The following MRC2 variants were observed in gnomAD, a reference collection of about 807,000 sequenced individuals.
MRC2 encodes C-type mannose receptor 2.
A neutral mutation model predicts 206.2 loss-of-function variants in MRC2; 84 were observed. That is an observed-to-expected ratio of 0.41 (90% confidence interval 0.34 to 0.49). MRC2 has a LOEUF of 0.49. MRC2 is among the 20% of genes least tolerant of loss of function. The pLI, the probability that MRC2 is intolerant of heterozygous loss-of-function variation, is 0.31. For missense variants in MRC2, 1,676 were observed against 2,001.5 expected, an observed-to-expected ratio of 0.84 and a Z score of 3.10; for synonymous variants, 798 against 800.0, an observed-to-expected ratio of 1.00 and a Z score of 0.04.
Position 62,692,626 on chromosome 17 carries a change from A to C in MRC2, c.*175A>C. 1 of 657,352 alleles carries C rather than the reference A, an allele frequency of 1.5e-6. No individual in the cohort carries two copies. 40.7% of individuals were successfully genotyped at this position (657,352 alleles called of 1,614,324 possible). On this transcript the variant is annotated 3_prime_UTR_variant, in exon 30 of 30. Coordinates refer to ENST00000303375, the MANE Select transcript of MRC2 (RefSeq NM_006039.5). This position sits in a 1 kb window ranked among gnomAD's most constrained non-coding sequence, Gnocchi z 4.2. ...GGCTGGTGGGGTGCCACCCTCCCAC[A>C]AGGGCTGGGCTGAGACCCAGCTGAG...
At chr17:62,661,381 C>T (rs2088677449) in intron 1 of MRC2, among the ~76,000 whole-genome samples, 1 of 152,132 alleles carries the variant, frequency 6.6e-6, no homozygotes, top group South Asian at 2.1e-4. Flanking sequence ...GCATTTTCTT[C>T]TTTTGCTGTC....
chr17:62,664,306 G>A lies in MRC2; in HGVS notation c.119-242G>A, dbSNP rs1402795751. Among the ~76,000 whole-genome samples, 4 of 151,952 alleles carry A rather than the reference G, an allele frequency of 2.6e-5. No individual in the cohort carries two copies. The highest frequency in any genetic ancestry group is 2.6e-4 in the Admixed American group (4 of 15,270). On this transcript the variant is annotated intron_variant, in intron 1 of 29. Transcript: ENST00000303375. The surrounding 1 kb of genome is among the most constrained non-coding windows in gnomAD (Gnocchi z 4.7). ...ACAGAGGACTGAGTCCTCCCTCCTG[G>A]TGAGCAGGGGCTAGAACAGAGGTAG...
In MRC2 at chr17:62,671,070, G is replaced by A. The variant is rs117460053; in HGVS notation, c.1118-579G>A. On this transcript the variant is annotated intron_variant, in intron 6 of 29. Coordinates refer to ENST00000303375, the MANE Select transcript of MRC2 (RefSeq NM_006039.5). This position sits in a 1 kb window ranked among gnomAD's most constrained non-coding sequence, Gnocchi z 4.5. ...CCTTTCTACCCATCGTTTATTGACT[G>A]ATTGATTGATGCATTGATTGAGATA... 6.7e-3 allele frequency among the ~76,000 whole-genome samples: 1,023 copies of A among 152,242 alleles called. 6 individuals carry two copies. The highest frequency in any genetic ancestry group is 0.011 in the Non-Finnish European group (764 of 68,004).
chr17:62,689,424 C>T (rs2089073909), intron 23 of MRC2, 98 bp from the exon 24 acceptor site: 1 of 786,678 alleles, frequency 1.3e-6, no homozygotes, highest in South Asian at 1.8e-5. Flanking sequence ...TGGTGGAGAC[C>T]GGGTCTTTGC....
intron 11 of MRC2, among the ~76,000 whole-genome samples, chr17:62,677,053 A>C (rs538088978): frequency 6.6e-6 from 1 of 152,368 alleles, no homozygotes; most frequent in African/African-American, 2.4e-5. Flanking sequence ...GAGGTTAAGC[A>C]GCTTGCCTGA....
At position 62,681,094 on chromosome 17, in the gene MRC2, C is replaced by A. The variant is rs141279049; in HGVS notation, c.2667C>A (p.Ile889=). 54 of 1,613,456 alleles carry A rather than the reference C, an allele frequency of 3.3e-5. No homozygotes were observed. Among genetic ancestry groups the A allele is most frequent in the Non-Finnish European group, 4.5e-5 (53 of 1,180,006 alleles). The change falls in exon 18 of 30, where the codon ATC becomes ATA. Residue 889 remains isoleucine, a synonymous_variant. Coordinates refer to ENST00000303375, the MANE Select transcript of MRC2 (RefSeq NM_006039.5). ...FSRAQEQHWW[I]GLHTSESDGR... is the part of the protein sequence containing the mutation. ...GGGCCCAGGAGCAGCACTGGTGGAT[C>A]GGCCTGCACACCTCTGAGAGCGATG...
At position 62,688,323 on chromosome 17, in the gene MRC2, G is replaced by A. The variant is rs143813537; in HGVS notation, c.2981G>A (p.Arg994Gln). The A allele has an allele frequency of 2.8e-4, 457 of 1,614,156 alleles. 2 individuals carry two copies. The African/African-American group carries it at 4.9e-3, about 17-fold the overall frequency. ...GTCCAGGGCCAGGAACCCCAGAGCCGGGTGAAGTGGTCAGAGGCACAGTTC... is the reference window on the plus strand; with the variant it reads ...GTCCAGGGCCAGGAACCCCAGAGCCAGGTGAAGTGGTCAGAGGCACAGTTC... ...FQVQGQEPQS[R>Q]VKWSEAQFSC... The change falls in exon 21 of 30, where the codon CGG becomes CAG. Residue 994 changes from arginine to glutamine, a missense_variant. Coordinates refer to ENST00000303375, the MANE Select transcript of MRC2 (RefSeq NM_006039.5).
At chr17:62,688,171 T>C in intron 20 of MRC2, 118 bp from the exon 21 acceptor site, 1 of 787,450 alleles carries the variant, frequency 1.3e-6, no homozygotes. Context: ...CAGATACTGT[T>C]CTCTCCCGGC....
chr17:62,654,148 C>G (rs920980727), intron 1 of MRC2, among the ~76,000 whole-genome samples: 1 of 151,822 alleles, frequency 6.6e-6, no homozygotes, highest in African/African-American at 2.4e-5. Context: ...TCTGCGTGGC[C>G]TGGGGAGGGG....
In MRC2 at chr17:62,690,951, G is replaced by A. The variant is rs1471829284; in HGVS notation, c.4015G>A (p.Gly1339Ser). The change falls in exon 28 of 30, where the codon GGC (glycine) becomes AGC (serine). Residue 1339 changes from glycine (G) to serine (S), a missense_variant and splice_region_variant. By Grantham distance (56) the Gly-to-Ser change is moderately conservative. Transcript: ENST00000303375. ...CCTCAGTGCCTTCTTTCCTGCAGGA[G>A]GCACTCTGGTCTGGCAGGACAACAC... is the stretch of plus-strand genomic sequence containing the variant. ...WLGMNFNPKG[G>S]TLVWQDNTAV... 6.3e-6 allele frequency: 10 copies of A among 1,598,282 alleles called. No individual in the cohort carries two copies. The highest frequency in any genetic ancestry group is 7.7e-6 in the Non-Finnish European group (9 of 1,173,430).
intron 9 of MRC2, 66 bp downstream of exon 9, chr17:62,674,236 A>AC: frequency 1.6e-5 from 19 of 1,216,764 alleles, no homozygotes; most frequent in Admixed American, 1.5e-4. Flanking sequence ...GGGGAGGGAG[A>AC]GGTGGATGAA....
chr17:62,664,874 C>T lies in MRC2; in HGVS notation c.445C>T (p.Arg149Cys), dbSNP rs1425538379. The stretch of plus-strand genomic sequence containing the variant: ...CATATCCAAGCCTGGCACCCTTGAG[C>T]GTGGTGACCAGACCCGCAGTGGCCA... ...SNISKPGTLE[R>C]GDQTRSGQWR... Residue 149 changes from arginine (R) to cysteine (C), a missense_variant, in exon 2 of 30, where the codon CGT becomes TGT. Physicochemically the swap from Arg to Cys is radical, Grantham distance 180. Coordinates refer to ENST00000303375, the MANE Select transcript of MRC2 (RefSeq NM_006039.5). This position sits in a 1 kb window ranked among gnomAD's most constrained non-coding sequence, Gnocchi z 4.7. 2.5e-6 allele frequency: 4 copies of T among 1,613,628 alleles called. No homozygotes were observed. Among genetic ancestry groups the T allele is most frequent in the East Asian group, 2.2e-5 (1 of 44,876 alleles).
intron 20 of MRC2, among the ~76,000 whole-genome samples, chr17:62,684,199 A>G (rs1391726906): frequency 1.3e-5 from 2 of 152,242 alleles, no homozygotes; most frequent in Admixed American, 6.5e-5. Context: ...GTGGCTATAG[A>G]TTAAATATGC....
chr17:62,692,078 C>T lies in MRC2; in HGVS notation c.4193-34C>T, dbSNP rs753024897. The T allele has an allele frequency of 1.2e-6, 2 of 1,614,050 alleles. No homozygotes were observed. The highest frequency in any genetic ancestry group is 1.7e-6 in the Non-Finnish European group (2 of 1,179,914). ...TAAGTGATTATTACGATGATCACTG[C>T]TATTATTAACTGGCCCCCTCCTCTT... On this transcript the variant is annotated intron_variant, in intron 28 of 29. Coordinates refer to ENST00000303375, the MANE Select transcript of MRC2 (RefSeq NM_006039.5). The surrounding 1 kb of genome is among the most constrained non-coding windows in gnomAD (Gnocchi z 4.2).
intron 1 of MRC2, among the ~76,000 whole-genome samples, chr17:62,637,905 G>A (rs1292951759): frequency 6.6e-6 from 1 of 152,194 alleles, no homozygotes. Flanking sequence ...ACAGGGTCTT[G>A]CTCTGTCACC....
At position 62,690,790 on chromosome 17, in the gene MRC2, G is replaced by A. The variant is rs113000578; in HGVS notation, c.4012+29G>A. 7.9e-3 allele frequency: 12,442 copies of A among 1,573,550 alleles called. 870 individuals are homozygous for A. The African/African-American group carries it at 0.15, about 19-fold the overall frequency. On this transcript the variant is annotated intron_variant, in intron 27 of 29. Coordinates refer to ENST00000303375, the MANE Select transcript of MRC2 (RefSeq NM_006039.5). ...GGTGCCCTGTGTGTGGGGTGGAGAG[G>A]TCAAGCCTCAGGCTGTAAGGGGCTG...
At chr17:62,676,593 T>G in intron 11 of MRC2, 62 bp downstream of exon 11, 1 of 1,522,494 alleles carries the variant, frequency 6.6e-7, no homozygotes, top group Non-Finnish European at 8.8e-7. Context: ...GGACTGGCCC[T>G]GCCAGCACCG....
chr17:62,669,768 C>G (rs1283514279), intron 6 of MRC2, among the ~76,000 whole-genome samples: 1 of 152,088 alleles, frequency 6.6e-6, no homozygotes, highest in Non-Finnish European at 1.5e-5. Flanking sequence ...GTTGCCCAGG[C>G]TGGTCTCGAA....
At chr17:62,682,413 G>C (rs201220268) in intron 20 of MRC2, 36 bp downstream of exon 20, 8 of 1,584,968 alleles carry the variant, frequency 5.0e-6, no homozygotes, top group Middle Eastern at 3.4e-4. Flanking sequence ...AGGGAGTCAG[G>C]GGAGAGGACG....
Sources: gnomAD v4.1 joint callset for allele counts (sites outside exome capture counted in the v4.1 genomes callset) on GRCh38, gnomAD v4.1.1 for gene constraint, Gnocchi (gnomAD v3.1) non-coding constraint, MANE v1.5 for transcripts, NCBI Gene and HGNC (gene_info 2026-07-23, HGNC 2026-07-21) for gene names.